Variants in TDRD5 observed in about 807,000 individuals in gnomAD.
The protein encoded by TDRD5 is tudor domain containing 5.
In TDRD5, 41 loss-of-function variants were observed where a neutral mutation model predicts 120.6. That is an observed-to-expected ratio of 0.34 (90% CI 0.26 to 0.44). The LOEUF (loss-of-function observed/expected upper bound fraction) is 0.44. Among genes scored for constraint, TDRD5 ranks in the 20% least tolerant of loss-of-function variants. The probability of loss-of-function intolerance (pLI) is 1.00; values close to 1 mark genes in which losing one functional copy is unlikely to be tolerated. For synonymous variants in TDRD5, 430 were observed against 433.7 expected (o/e 0.99, Z 0.11); for missense variants, 1,006 against 1,221.2 (o/e 0.82, Z 2.63).
At chr1:179,626,156 A>G (rs1253857721) in intron 6 of TDRD5, among the ~76,000 whole-genome samples, 1 of 152,102 alleles carries the variant, frequency 6.6e-6, no homozygotes, top group African/African-American at 2.4e-5. Context: ...TGGCACATGT[A>G]TACATATGTA....
intron 6 of TDRD5, among the ~76,000 whole-genome samples, chr1:179,629,936 T>C (rs1189574823): frequency 1.3e-5 from 2 of 152,160 alleles, no homozygotes; most frequent in Admixed American, 1.3e-4. Context: ...TCAAACTGTA[T>C]GCTATGGGAA....
chr1:179,620,989 C>T (rs367702981), intron 5 of TDRD5, 46 bp from the exon 6 acceptor site: 3 of 1,396,696 alleles, frequency 2.1e-6, no homozygotes, highest in Admixed American at 2.2e-5. Flanking sequence ...TTGTGTCACT[C>T]AGCATTTCAG....
At chr1:179,603,885 G>A (rs566282284) in intron 4 of TDRD5, among the ~76,000 whole-genome samples, 74 of 152,238 alleles carry the variant, frequency 4.9e-4, no homozygotes, top group Non-Finnish European at 7.6e-4. Context: ...GGTGATGCTG[G>A]TTTTATAGAA....
chr1:179,690,351 G>A (rs182849713), intron 17 of TDRD5, among the ~76,000 whole-genome samples: 30 of 152,284 alleles, frequency 2.0e-4, no homozygotes, highest in African/African-American at 7.2e-4. Flanking sequence ...AGTGCTGGAA[G>A]GAAATAGAAG....
At chr1:179,641,359 A>G (rs1057498168) in intron 11 of TDRD5, among the ~76,000 whole-genome samples, 2 of 152,076 alleles carry the variant, frequency 1.3e-5, no homozygotes, top group Admixed American at 6.5e-5. Context: ...GTGAAACCCC[A>G]TATCTACTAA....
intron 4 of TDRD5, among the ~76,000 whole-genome samples, chr1:179,608,852 A>G (rs10798700): frequency 0.56 from 85,478 of 151,704 alleles, 25,188 homozygotes; most frequent in East Asian, 0.71. Context: ...TGGGCTTTAC[A>G]TATAAATTAC....
intron 4 of TDRD5, among the ~76,000 whole-genome samples, chr1:179,606,922 A>G (rs1164885665): frequency 4.6e-5 from 7 of 152,098 alleles, no homozygotes; most frequent in Non-Finnish European, 8.8e-5. Flanking sequence ...GCTATTCTGG[A>G]TCTTTTGCCT....
intron 4 of TDRD5, among the ~76,000 whole-genome samples, chr1:179,618,212 C>T (rs1465178859): frequency 2.0e-5 from 3 of 152,190 alleles, no homozygotes; most frequent in Non-Finnish European, 4.4e-5. Flanking sequence ...AGGGACGTTC[C>T]ACCATCCCAT....
At chr1:179,597,324 CTTTTTTTCTTTTT>C (rs1255259276) in intron 4 of TDRD5, among the ~76,000 whole-genome samples, 1 of 132,858 alleles carries the variant, frequency 7.5e-6, no homozygotes, top group African/African-American at 2.6e-5. Context: ...TCTTTCTTTT[CTTTTTTTCTTTTT>C]TTTTTTTTTT....
intron 14 of TDRD5, among the ~76,000 whole-genome samples, chr1:179,658,926 C>T (rs1178825539): frequency 1.3e-5 from 2 of 152,046 alleles, no homozygotes; most frequent in African/African-American, 2.4e-5. Flanking sequence ...ACTTTAGCTG[C>T]ATTTCACAAA....
At chr1:179,631,235 C>T (rs982671575) in intron 7 of TDRD5, among the ~76,000 whole-genome samples, 1 of 151,892 alleles carries the variant, frequency 6.6e-6, no homozygotes, top group African/African-American at 2.4e-5. Flanking sequence ...ACTAAAAATA[C>T]AAAAAAACTA....
At chr1:179,644,439 T>C (rs1050215617) in intron 11 of TDRD5, among the ~76,000 whole-genome samples, 3 of 152,176 alleles carry the variant, frequency 2.0e-5, no homozygotes, top group African/African-American at 7.2e-5. Flanking sequence ...CATGAAATTA[T>C]TCAAAAGTTT....
At chr1:179,609,746 TGA>T (rs992183077) in intron 4 of TDRD5, among the ~76,000 whole-genome samples, 24 of 152,294 alleles carry the variant, frequency 1.6e-4, no homozygotes, top group African/African-American at 4.8e-4. Flanking sequence ...TAGCCCTGTG[TGA>T]GTTTGGAGTA....
intron 17 of TDRD5, among the ~76,000 whole-genome samples, chr1:179,670,944 A>G (rs12134954): frequency 0.052 from 7,960 of 152,294 alleles, 269 homozygotes; most frequent in Middle Eastern, 0.099. Flanking sequence ...TCTTTAACTC[A>G]AATAACTAAG....
At chr1:179,641,757 T>A (rs972548287) in intron 11 of TDRD5, among the ~76,000 whole-genome samples, 2 of 152,204 alleles carry the variant, frequency 1.3e-5, no homozygotes, top group African/African-American at 4.8e-5. Flanking sequence ...TTATATGTTA[T>A]TAAGTTCTCA....
At chr1:179,614,747 G>A (rs1249695479) in intron 4 of TDRD5, among the ~76,000 whole-genome samples, 1 of 151,826 alleles carries the variant, frequency 6.6e-6, no homozygotes, top group East Asian at 1.9e-4. Context: ...TCGGGGGAGG[G>A]GGGGTTTAAA....
At chr1:179,673,127 G>A (rs1679943087) in intron 17 of TDRD5, among the ~76,000 whole-genome samples, 1 of 152,078 alleles carries the variant, frequency 6.6e-6, no homozygotes, top group Non-Finnish European at 1.5e-5. Context: ...TTCTAGTTCT[G>A]TGATGAATGA....
intron 17 of TDRD5, among the ~76,000 whole-genome samples, chr1:179,681,341 C>T (rs1012616676): frequency 2.0e-5 from 3 of 152,138 alleles, no homozygotes; most frequent in Non-Finnish European, 4.4e-5. Flanking sequence ...AAAACTTTTC[C>T]TTTTTCCCAT....
intron 17 of TDRD5, among the ~76,000 whole-genome samples, chr1:179,688,986 C>T (rs139891752): frequency 0.017 from 2,639 of 152,192 alleles, 55 homozygotes; most frequent in African/African-American, 0.059. Flanking sequence ...GCTATGGGTT[C>T]GAACATCCTC....
Sources: allele counts gnomAD v4.1 joint callset (sites outside exome capture counted in the v4.1 genomes callset), GRCh38; gene constraint gnomAD v4.1.1; transcripts MANE v1.5; gene names NCBI Gene and HGNC (gene_info 2026-07-23, HGNC 2026-07-21).